PTPRB: variants seen among roughly 807,000 people sequenced by gnomAD.
PTPRB encodes the protein receptor-type tyrosine-protein phosphatase beta.
PTPRB carries 97 observed loss-of-function variants against 238.1 expected under a neutral mutation model. That is an observed-to-expected ratio of 0.41 (90% confidence interval 0.35 to 0.48). The LOEUF (loss-of-function observed/expected upper bound fraction) is 0.48. Ranked by LOEUF, PTPRB falls within the 20% of genes least tolerant of loss-of-function variation. The pLI is 0.30. For missense variants in PTPRB, 2,292 were observed against 2,681.9 expected (o/e 0.85, Z 3.21); for synonymous variants, 970 against 995.4 (o/e 0.97, Z 0.48).
chr12:70,578,638 A>T (rs1331741073), intron 10 of PTPRB, among the ~76,000 whole-genome samples: 1 of 151,864 alleles, frequency 6.6e-6, no homozygotes, highest in Non-Finnish European at 1.5e-5. Context: ...AAATATAAAT[A>T]AAAATATAAA....
At chr12:70,592,248 G>A (rs1329219500) in intron 7 of PTPRB, 34 bp downstream of exon 7, 2 of 1,613,424 alleles carry the variant, frequency 1.2e-6, no homozygotes, top group East Asian at 2.2e-5. Context: ...AGTGATTTGA[G>A]CAACCAAGGA....
intron 29 of PTPRB, 65 bp from the exon 30 acceptor site, chr12:70,535,020 T>G: frequency 6.5e-7 from 1 of 1,543,706 alleles, no homozygotes. Context: ...ACCTGGGGTT[T>G]CCCTCCTCTA....
chr12:70,543,502 T>G (rs754026601), intron 22 of PTPRB, among the ~76,000 whole-genome samples: 6 of 152,242 alleles, frequency 3.9e-5, no homozygotes, highest in Non-Finnish European at 8.8e-5. Context: ...ATCTAAATCC[T>G]CTTAACTGTG....
intron 32 of PTPRB, among the ~76,000 whole-genome samples, chr12:70,526,936 C>A (rs1872532108): frequency 6.6e-6 from 1 of 152,174 alleles, no homozygotes; most frequent in African/African-American, 2.4e-5. Flanking sequence ...ACAAATTCTT[C>A]CTTTCCCAAT....
intron 15 of PTPRB, 42 bp downstream of exon 15, chr12:70,566,393 A>T (rs746184038): frequency 6.3e-7 from 1 of 1,596,376 alleles, no homozygotes; most frequent in Non-Finnish European, 8.5e-7. Context: ...AATAGCAGAC[A>T]TTGGCAATAT....
At chr12:70,537,214 G>C (rs530046533) in intron 28 of PTPRB, among the ~76,000 whole-genome samples, 143 of 148,428 alleles carry the variant, frequency 9.6e-4, no homozygotes, top group Non-Finnish European at 1.7e-3. Context: ...GTGAACCCGG[G>C]AGGCGGAGCT....
chr12:70,599,509 C>T (rs1464490173), intron 4 of PTPRB, among the ~76,000 whole-genome samples: 1 of 152,014 alleles, frequency 6.6e-6, no homozygotes, highest in South Asian at 2.1e-4. Context: ...TAAATCAAAG[C>T]TTTAGTCTTG....
At chr12:70,559,645 A>C (rs768617740) in intron 17 of PTPRB, 21 bp from the exon 18 acceptor site, 1 of 1,571,940 alleles carries the variant, frequency 6.4e-7, no homozygotes, top group South Asian at 1.1e-5. Context: ...GAGAAAGTGA[A>C]AAATCACATA....
chr12:70,560,607 T>G lies in PTPRB; in HGVS notation c.4432+64A>C. On this transcript the variant is annotated intron_variant, in intron 17 of 33. Transcript: ENST00000334414. The surrounding 1 kb of genome is among the most constrained non-coding windows in gnomAD (Gnocchi z 4.2). ...TTATCTCTTGTCATTAAAATCAGAA[T>G]CAAAATGTGTCTCTGGAAGCTACTT... is the stretch of plus-strand genomic sequence containing the variant. 1.3e-6 allele frequency: 2 copies of G among 1,585,618 alleles called. No individual in the cohort carries two copies. The highest frequency in any genetic ancestry group is 1.7e-6 in the Non-Finnish European group (2 of 1,164,156).
At chr12:70,551,629 C>T (rs906406289) in intron 21 of PTPRB, among the ~76,000 whole-genome samples, 9 of 151,932 alleles carry the variant, frequency 5.9e-5, no homozygotes, top group African/African-American at 1.5e-4. Context: ...CAAAGCAGAA[C>T]GAACACTGGC....
At chr12:70,579,888 G>C (rs574070147) in intron 10 of PTPRB, among the ~76,000 whole-genome samples, 6 of 152,110 alleles carry the variant, frequency 3.9e-5, no homozygotes. Flanking sequence ...CATGATTTTG[G>C]AAAGAGATGC....
chr12:70,588,023 G>A (rs1302885741), intron 8 of PTPRB, among the ~76,000 whole-genome samples: 1 of 150,486 alleles, frequency 6.6e-6, no homozygotes, highest in Admixed American at 6.6e-5. Context: ...TTAAGTGGGG[G>A]AGGTGGAGGT....
chr12:70,610,865 T>G (rs1884405327), intron 3 of PTPRB, among the ~76,000 whole-genome samples: 1 of 152,162 alleles, frequency 6.6e-6, no homozygotes, highest in Admixed American at 6.5e-5. Context: ...AAACTACTGT[T>G]GATAGTCAGC....
At chr12:70,635,647 T>G (rs772984899) in intron 2 of PTPRB, 24 bp downstream of exon 2, 1 of 1,595,438 alleles carries the variant, frequency 6.3e-7, no homozygotes, top group African/African-American at 1.4e-5. Flanking sequence ...ACTTTCAGGA[T>G]TTGCTCTGAA....
At chr12:70,538,330 G>C in intron 27 of PTPRB, 99 bp from the exon 28 acceptor site, 4 of 941,006 alleles carry the variant, frequency 4.3e-6, no homozygotes, top group South Asian at 3.3e-5. Flanking sequence ...AACAGCCACA[G>C]ATGGGAAGTG....
rs760636102 is a variant in PTPRB at position 70,581,103 on chromosome 12, G to A, written c.2511C>T (p.Tyr837=). The A allele has an allele frequency of 6.2e-7, 1 of 1,614,020 alleles. No individual in the cohort carries two copies. Among genetic ancestry groups the A allele is most frequent in the African/African-American group, 1.3e-5 (1 of 75,046 alleles). The change falls in exon 10 of 34, where the codon TAC becomes TAT. Residue 837 remains tyrosine, a synonymous_variant. Coordinates refer to ENST00000334414, the MANE Select transcript of PTPRB (RefSeq NM_001109754.4). ...CACTCACTGTTGTTACCACCACGGA[G>A]TACAGGCTGCCGGACTTGAGAGAGT... ...SFHSLKSGSL[Y]SVVVTTVSGG...
chr12:70,588,811 A>T (rs1050358974), intron 8 of PTPRB, among the ~76,000 whole-genome samples: 10 of 149,238 alleles, frequency 6.7e-5, no homozygotes, highest in African/African-American at 2.5e-4. Context: ...AAATTAGCTG[A>T]GCCTGGTGGC....
rs992691536 is a variant in PTPRB, at chr12:70,518,376, G to A, written c.*3113C>T. On this transcript the variant is annotated 3_prime_UTR_variant, in exon 34 of 34. Transcript: ENST00000334414. ...ACCTGGGAGGCGGAGGTTGTAGTGA[G>A]CTGAGATTGTGCCACTGCACTCCAG... is the stretch of plus-strand genomic sequence containing the variant. 2.2e-4 allele frequency: 34 copies of A among 152,278 alleles called. No individual in the cohort carries two copies. The highest frequency in any genetic ancestry group is 8.2e-4 in the African/African-American group (34 of 41,540). The allele number at this position is 152,278 out of a possible 1,614,324, so 9.4% of individuals were successfully genotyped here. A position where few individuals can be genotyped will look rare whatever the true frequency, so the allele number is the denominator to read the frequency against.
intron 4 of PTPRB, among the ~76,000 whole-genome samples, chr12:70,607,548 C>CTTTTT (rs546758555): frequency 2.2e-5 from 3 of 137,110 alleles, no homozygotes; most frequent in Non-Finnish European, 4.7e-5. Context: ...TTTTCCTTTT[C>CTTTTT]TTTTTTTTTT....
Sources: gnomAD v4.1 joint callset for allele counts (sites outside exome capture counted in the v4.1 genomes callset) on GRCh38, gnomAD v4.1.1 for gene constraint, Gnocchi (gnomAD v3.1) non-coding constraint, MANE v1.5 for transcripts, NCBI Gene and HGNC (gene_info 2026-07-23, HGNC 2026-07-21) for gene names.